The following AHSA1 variants were observed in gnomAD, a reference collection of about 807,000 sequenced individuals.
AHSA1 encodes activator of 90 kDa heat shock protein ATPase homolog 1.
Under a neutral mutation model 46.1 loss-of-function variants are expected in AHSA1, and 14 were observed. The observed-to-expected ratio is 0.30, with a 90% CI of 0.20 to 0.47. The LOEUF (loss-of-function observed/expected upper bound fraction) is 0.47, where lower values mean the gene tolerates loss of function less well. AHSA1 is among the 20% of genes least tolerant of loss of function. The pLI is 0.99. For missense variants in AHSA1, 333 were observed against 415.9 expected, an observed-to-expected ratio of 0.80 and a Z score of 1.73; for synonymous variants, 147 against 145.8, an observed-to-expected ratio of 1.01 and a Z score of -0.06.
Position 77,458,163 on chromosome 14 carries a change from G to A in AHSA1, c.-27G>A. ...AGGCTGTGGCTACGGCTGCTCCGGA[G>A]CTGGTGGCGCCGCGATAGGAGAGCC... On this transcript the variant is annotated 5_prime_UTR_variant, in exon 1 of 9. Transcript: ENST00000216479. The A allele has an allele frequency of 6.6e-7, 1 of 1,514,142 alleles. No individual in the cohort carries two copies. Among genetic ancestry groups the A allele is most frequent in the Non-Finnish European group, 8.8e-7 (1 of 1,133,224 alleles). 93.8% of individuals were successfully genotyped at this position (1,514,142 alleles called of 1,614,324 possible).
At chr14:77,465,234 CAT>C (rs2079042867) in intron 5 of AHSA1, among the ~76,000 whole-genome samples, 1 of 152,212 alleles carries the variant, frequency 6.6e-6, no homozygotes, top group Non-Finnish European at 1.5e-5. Flanking sequence ...GCTATTTAAA[CAT>C]AGAAATTGTT....
intron 1 of AHSA1, among the ~76,000 whole-genome samples, chr14:77,459,195 C>T (rs1347694775): frequency 6.6e-6 from 1 of 152,124 alleles, no homozygotes; most frequent in Non-Finnish European, 1.5e-5. Context: ...GTCAGAACAC[C>T]GTGCCAATGA....
chr14:77,458,750 G>T (rs2079002526), intron 1 of AHSA1, among the ~76,000 whole-genome samples: 7 of 152,230 alleles, frequency 4.6e-5, no homozygotes, highest in Admixed American at 4.6e-4. Flanking sequence ...TTGTGCAGGT[G>T]CTCAGAGCTC....
In AHSA1 at chr14:77,467,744, G is replaced by A. The variant is rs527950938; in HGVS notation, c.691-339G>A. Among the ~76,000 whole-genome samples, 59 of 152,326 alleles carry A rather than the reference G, an allele frequency of 3.9e-4. 1 individual carries two copies. The highest frequency in any genetic ancestry group is 3.3e-3 in the Admixed American group (51 of 15,288). On this transcript the variant is annotated intron_variant, in intron 6 of 8. Coordinates refer to ENST00000216479, the MANE Select transcript of AHSA1 (RefSeq NM_012111.3). ...AAAAGATGGAATAGATCTATTTTGGGACATGTTCTCAGAAATGATAATAGA... is the reference window on the plus strand; with the variant it reads ...AAAAGATGGAATAGATCTATTTTGGAACATGTTCTCAGAAATGATAATAGA...
chr14:77,460,140 G>T, intron 2 of AHSA1: 1 of 328,100 alleles, frequency 3.0e-6, no homozygotes, highest in East Asian at 7.5e-5. Context: ...AGGAAGGAGA[G>T]GATTTTTTTG....
intron 2 of AHSA1, chr14:77,460,183 A>G (rs1594937933): frequency 1.1e-5 from 3 of 283,990 alleles, no homozygotes; most frequent in East Asian, 1.8e-4. Context: ...TTCAGTGTGA[A>G]TCTTAACAGA....
chr14:77,465,690 G>T, intron 6 of AHSA1, 23 bp downstream of exon 6: 1 of 1,611,556 alleles, frequency 6.2e-7, no homozygotes, highest in East Asian at 2.2e-5. Flanking sequence ...TGTCCTTCAG[G>T]CCTCATGCCA....
intron 4 of AHSA1, among the ~76,000 whole-genome samples, chr14:77,463,386 C>T (rs112328601): frequency 0.015 from 2,305 of 151,862 alleles, 18 homozygotes; most frequent in Middle Eastern, 0.031. Flanking sequence ...GTCGGGAGTT[C>T]GAGACCAGCC....
rs1566748862 is a variant in AHSA1 at position 77,468,239 on chromosome 14, A to G, written c.792+55A>G. On this transcript the variant is annotated intron_variant, in intron 7 of 8. Coordinates refer to ENST00000216479, the MANE Select transcript of AHSA1 (RefSeq NM_012111.3). Reference sequence around the variant, plus strand: ...TATTGCCTCTGGTCAGATGAGTGACATTTCTCTTTTTCTGAACTCTATAGG... The same window carrying G: ...TATTGCCTCTGGTCAGATGAGTGACGTTTCTCTTTTTCTGAACTCTATAGG... The G allele has an allele frequency of 2.3e-6, 3 of 1,281,750 alleles. No individual in the cohort carries two copies. In the East Asian group the frequency reaches 7.6e-5, roughly 32 times the overall value. 79.4% of individuals were successfully genotyped at this position (1,281,750 alleles called of 1,614,324 possible).
At position 77,458,373 on chromosome 14, in the gene AHSA1, C is replaced by G. The variant is rs1415677607; in HGVS notation, c.80+104C>G. 12 of 1,236,936 alleles carry G rather than the reference C, an allele frequency of 9.7e-6. No individual in the cohort carries two copies. In the East Asian group the frequency reaches 3.5e-4, roughly 36 times the overall value. 76.6% of individuals were successfully genotyped at this position (1,236,936 alleles called of 1,614,324 possible). Reference sequence around the variant, plus strand: ...GGACAGAGCTGGGGCTGAGGTAGCCCTGTCCGGAGATGGGGGTGGGTCCTT... The same window carrying G: ...GGACAGAGCTGGGGCTGAGGTAGCCGTGTCCGGAGATGGGGGTGGGTCCTT... On this transcript the variant is annotated intron_variant, in intron 1 of 8. Coordinates refer to ENST00000216479, the MANE Select transcript of AHSA1 (RefSeq NM_012111.3).
In AHSA1 at chr14:77,465,409, A is replaced by T. The variant is rs536704012; in HGVS notation, c.562-130A>T. 5.6e-6 allele frequency: 6 copies of T among 1,066,554 alleles called. No individual in the cohort carries two copies. The South Asian group carries it at 8.4e-5, about 15-fold the overall frequency. The allele number at this position is 1,066,554 out of a possible 1,614,324, so 66.1% of individuals were successfully genotyped here. A position where few individuals can be genotyped will look rare whatever the true frequency, so the allele number is the denominator to read the frequency against. ...ACCTACACACTCAAATTCCCTTCAA[A>T]CCCCTTGGAATAATTACCCTTGGAG... On this transcript the variant is annotated intron_variant, in intron 5 of 8. Transcript: ENST00000216479.
intron 1 of AHSA1, 44 bp downstream of exon 1, chr14:77,458,313 G>T: frequency 1.3e-6 from 2 of 1,533,490 alleles, no homozygotes; most frequent in Non-Finnish European, 8.8e-7. Flanking sequence ...ACCTGCGGCC[G>T]GGCCAGGGTT....
At chr14:77,462,959 T>C (rs1184534025) in intron 4 of AHSA1, 200 bp downstream of exon 4, 3 of 505,672 alleles carry the variant, frequency 5.9e-6, no homozygotes, top group African/African-American at 3.9e-5. Flanking sequence ...TGGTTGAGCA[T>C]TTTAGATGTG....
intron 4 of AHSA1, among the ~76,000 whole-genome samples, chr14:77,463,370 C>T (rs1242348323): frequency 6.6e-6 from 1 of 152,058 alleles, no homozygotes; most frequent in South Asian, 2.1e-4. Flanking sequence ...GGGCGGATCA[C>T]CTGAGGTCGG....
chr14:77,462,281 C>T (rs754085304), intron 3 of AHSA1, 39 bp downstream of exon 3: 2 of 1,558,904 alleles, frequency 1.3e-6, no homozygotes, highest in Non-Finnish European at 1.8e-6. Flanking sequence ...TCCTCTATAT[C>T]CTCTTATTCT....
chr14:77,458,252 C>T lies in AHSA1; in HGVS notation c.63C>T (p.Asn21=), dbSNP rs2078995994. ...WIVEERADAT[N]VNNWHWTERD... ...TGGAGGAGCGGGCGGACGCCACCAACGTCAACAACTGGCACTGGTGAGGGC... is the reference window on the plus strand; with the variant it reads ...TGGAGGAGCGGGCGGACGCCACCAATGTCAACAACTGGCACTGGTGAGGGC... The change falls in exon 1 of 9, where the codon AAC becomes AAT. Residue 21 remains asparagine (N), a synonymous_variant. Transcript: ENST00000216479. 1.3e-6 allele frequency: 2 copies of T among 1,547,504 alleles called. No individual in the cohort carries two copies. The highest frequency in any genetic ancestry group is 2.0e-5 in the Admixed American group (1 of 50,198).
At chr14:77,467,252 A>G (rs951408331) in intron 6 of AHSA1, among the ~76,000 whole-genome samples, 1 of 151,942 alleles carries the variant, frequency 6.6e-6, no homozygotes, top group Non-Finnish European at 1.5e-5. Context: ...TACAAAAATT[A>G]GCCAGGTATG....
chr14:77,468,878 A>C (rs1419931226), intron 8 of AHSA1, 199 bp from the exon 9 acceptor site: 5 of 637,370 alleles, frequency 7.8e-6, no homozygotes, highest in Non-Finnish European at 1.1e-5. Flanking sequence ...CACCACGCCC[A>C]CGTAATTTTA....
intron 6 of AHSA1, among the ~76,000 whole-genome samples, chr14:77,465,979 A>G (rs1289468609): frequency 1.3e-5 from 2 of 152,170 alleles, no homozygotes; most frequent in African/African-American, 4.8e-5. Flanking sequence ...GGCACACGCC[A>G]TCACGCCTAG....
Sources: gnomAD v4.1 joint callset for allele counts (sites outside exome capture counted in the v4.1 genomes callset) on GRCh38, gnomAD v4.1.1 for gene constraint, MANE v1.5 for transcripts, NCBI Gene and HGNC (gene_info 2026-07-23, HGNC 2026-07-21) for gene names.